Variants in SCP2 observed in about 807,000 individuals in gnomAD.
The protein encoded by SCP2 is SCP-2/3-oxoacyl-CoA thiolase.
Under a neutral mutation model 71.4 loss-of-function variants are expected in SCP2, and 48 were observed. The observed-to-expected ratio is 0.67, with a 90% CI of 0.53 to 0.86. The LOEUF is 0.86. Ranked by LOEUF, SCP2 falls within the 40% of genes least tolerant of loss-of-function variation. The probability of loss-of-function intolerance (pLI) is 0.00; values close to 1 mark genes in which losing one functional copy is unlikely to be tolerated. For synonymous variants in SCP2, 220 were observed against 218.1 expected (o/e 1.01, Z -0.08); for missense variants, 560 against 655.6 (o/e 0.85, Z 1.59).
At chr1:53,012,838 T>C (rs1332772618) in intron 11 of SCP2, among the ~76,000 whole-genome samples, 1 of 152,230 alleles carries the variant, frequency 6.6e-6, no homozygotes, top group Admixed American at 6.5e-5. Context: ...ATGGTATCTA[T>C]TTGATTTTTA....
intron 5 of SCP2, among the ~76,000 whole-genome samples, chr1:52,960,480 A>ATGTGTGTGTGTGTGTG (rs71044447): frequency 1.1e-4 from 15 of 139,600 alleles, no homozygotes; most frequent in African/African-American, 4.1e-4. Flanking sequence ...TACTATGTAT[A>ATGTGTGTGTGTGTGTG]TGTGTGTGTG....
At chr1:53,050,378 GA>G in intron 15 of SCP2, 2 of 467,526 alleles carry the variant, frequency 4.3e-6, no homozygotes, top group Non-Finnish European at 7.8e-6. Context: ...ATTTCTATGA[GA>G]AATTTGGGAA....
chr1:53,020,311 G>T (rs1661631595), intron 12 of SCP2, among the ~76,000 whole-genome samples: 1 of 152,086 alleles, frequency 6.6e-6, no homozygotes, highest in African/African-American at 2.4e-5. Context: ...GTACTTTAGG[G>T]ATCAGAAAAT....
chr1:52,989,812 A>G (rs1297309825), intron 11 of SCP2, among the ~76,000 whole-genome samples: 1 of 152,208 alleles, frequency 6.6e-6, no homozygotes, highest in Non-Finnish European at 1.5e-5. Context: ...TAGGATGTCC[A>G]TAGGGGGCTT....
chr1:52,968,807 A>C (rs1200079158), intron 6 of SCP2, among the ~76,000 whole-genome samples: 2 of 152,124 alleles, frequency 1.3e-5, no homozygotes, highest in Non-Finnish European at 2.9e-5. Flanking sequence ...ATAACTTTTG[A>C]TTCCCCCCGA....
At chr1:53,029,738 C>G (rs17107661) in intron 13 of SCP2, among the ~76,000 whole-genome samples, 1 of 152,020 alleles carries the variant, frequency 6.6e-6, no homozygotes, top group South Asian at 2.1e-4. Context: ...AATCTACAAC[C>G]GTCCTGAGGG....
chr1:52,986,353 A>G (rs921631374), intron 10 of SCP2, among the ~76,000 whole-genome samples: 23 of 152,206 alleles, frequency 1.5e-4, no homozygotes, highest in African/African-American at 5.5e-4. Context: ...AATATTTAGC[A>G]GTTTGTAAGT....
At chr1:52,993,990 T>C in intron 11 of SCP2, 3 of 1,246,856 alleles carry the variant, frequency 2.4e-6, no homozygotes, top group Non-Finnish European at 3.0e-6. Flanking sequence ...GTCTGTTCTT[T>C]AATTTGTAAA....
At chr1:52,994,297 T>C in intron 11 of SCP2, 4 of 997,368 alleles carry the variant, frequency 4.0e-6, no homozygotes, top group Non-Finnish European at 3.6e-6. Context: ...TTCAGACAGC[T>C]TCCTTACGCA....
chr1:52,986,053 G>A (rs60860411), intron 10 of SCP2, among the ~76,000 whole-genome samples: 48,013 of 151,610 alleles, frequency 0.32, 12,059 homozygotes, highest in African/African-American at 0.69. Flanking sequence ...AGGGATTTTC[G>A]TTTGGTTCAC....
chr1:53,047,117 C>G (rs1663870687), intron 14 of SCP2, among the ~76,000 whole-genome samples: 1 of 152,212 alleles, frequency 6.6e-6, no homozygotes, highest in Non-Finnish European at 1.5e-5. Context: ...GGAATGATAG[C>G]TTCCCTCTTT....
intron 12 of SCP2, among the ~76,000 whole-genome samples, chr1:53,026,740 C>T (rs6588452): frequency 0.14 from 20,810 of 151,812 alleles, 2,013 homozygotes; most frequent in East Asian, 0.32. Context: ...ACCAGGAGTT[C>T]GAGGTTACAG....
At chr1:52,969,815 C>T (rs528236295) in intron 6 of SCP2, among the ~76,000 whole-genome samples, 6 of 119,350 alleles carry the variant, frequency 5.0e-5, no homozygotes, top group Admixed American at 4.5e-4. Context: ...AGCTAGACTC[C>T]ATCTCAAACA....
chr1:52,980,641 T>C lies in SCP2; in HGVS notation c.973+98T>C, dbSNP rs953171359. 7 of 1,208,406 alleles carry C rather than the reference T, an allele frequency of 5.8e-6. No individual in the cohort carries two copies. In the East Asian group the frequency reaches 1.6e-4, roughly 28 times the overall value. The allele number at this position is 1,208,406 out of a possible 1,614,324, so 74.9% of individuals were successfully genotyped here. A position where few individuals can be genotyped will look rare whatever the true frequency, so the allele number is the denominator to read the frequency against. ...AAGAATTCACTATTCACTTTTCCCT[T>C]AACGTTGGCTCTGCCACACTGTGGG... On this transcript the variant is annotated intron_variant, in intron 10 of 15. Coordinates refer to ENST00000371514, the MANE Select transcript of SCP2 (RefSeq NM_002979.5).
chr1:53,046,347 T>A (rs969292222), intron 14 of SCP2, among the ~76,000 whole-genome samples: 24 of 150,488 alleles, frequency 1.6e-4, no homozygotes, highest in African/African-American at 3.2e-4. Context: ...TTTTTTTTTT[T>A]AAATTTCAGC....
chr1:52,995,038 C>T, intron 11 of SCP2: 1 of 505,506 alleles, frequency 2.0e-6, no homozygotes, highest in Non-Finnish European at 4.0e-6. Flanking sequence ...GGCCAAAGGC[C>T]ACTACATAGA....
chr1:52,949,665 G>T (rs544255196), intron 3 of SCP2, among the ~76,000 whole-genome samples: 2 of 152,194 alleles, frequency 1.3e-5, no homozygotes, highest in Non-Finnish European at 2.9e-5. Context: ...AAGGAAGGAG[G>T]AAGTAACTTG....
At chr1:53,009,291 GA>G (rs1289511710) in intron 11 of SCP2, among the ~76,000 whole-genome samples, 7 of 152,076 alleles carry the variant, frequency 4.6e-5, no homozygotes, top group South Asian at 2.1e-4. Flanking sequence ...AAGTTAATAT[GA>G]AACCAAAAAA....
chr1:52,938,285 T>G (rs900405380), intron 1 of SCP2, among the ~76,000 whole-genome samples: 1 of 152,216 alleles, frequency 6.6e-6, no homozygotes, highest in Non-Finnish European at 1.5e-5. Flanking sequence ...TTCACTTATG[T>G]ATGTATATAT....
Sources: gnomAD v4.1 joint callset for allele counts (sites outside exome capture counted in the v4.1 genomes callset) on GRCh38, gnomAD v4.1.1 for gene constraint, MANE v1.5 for transcripts, NCBI Gene and HGNC (gene_info 2026-07-23, HGNC 2026-07-21) for gene names.